The following ZNF208 variants were observed in gnomAD, a reference collection of about 807,000 sequenced individuals.
ZNF208 encodes the protein zinc finger protein 95.
A neutral mutation model predicts 12.1 loss-of-function variants in ZNF208; 10 were observed. That is an observed-to-expected ratio of 0.83 (90% CI 0.51 to 1.40). ZNF208 has a LOEUF of 1.40. Ranked by LOEUF, ZNF208 falls within the 40% of genes most tolerant of loss-of-function variation. The pLI is 0.00. For synonymous variants in ZNF208, 497 were observed against 488.4 expected, an observed-to-expected ratio of 1.02 and a Z score of -0.23; for missense variants, 1,652 against 1,485.0, an observed-to-expected ratio of 1.11 and a Z score of -1.85.
chr19:21,998,192 TCGC>T (rs1311445573), intron 1 of ZNF208: 1 of 148,014 alleles, frequency 6.8e-6, no homozygotes, highest in Non-Finnish European at 1.5e-5. Context: ...TCTCACTCTG[TCGC>T]CCAGGCTGGA....
chr19:21,973,279 T>G lies in ZNF208; in HGVS notation c.1755A>C (p.Glu585Asp). 1 of 1,611,344 alleles carries G rather than the reference T, an allele frequency of 6.2e-7. No homozygotes were observed. Among genetic ancestry groups the G allele is most frequent in the Non-Finnish European group, 8.5e-7 (1 of 1,178,586 alleles). ...HTVEKPYKCE[E>D]CGKAFNQSAI... is the part of the protein sequence containing the mutation. ...CAGATTGGTTAAAAGCTTTGCCACA[T>G]TCTTCACATTTGTAGGGTTTCTCTA... The change falls in exon 4 of 4, where the codon GAA (glutamate) becomes GAC (aspartate). Residue 585 changes from glutamate to aspartate, a missense_variant. Physicochemically the swap from Glu to Asp is conservative, Grantham distance 45. This residue lies in a region of ZNF208 where 1,239 missense variants were observed against 1,086.2 expected (regional missense o/e 1.14). Transcript: ENST00000397126.
intron 1 of ZNF208, among the ~76,000 whole-genome samples, chr19:21,990,019 C>T (rs1970703185): frequency 6.6e-6 from 1 of 151,992 alleles, no homozygotes; most frequent in Non-Finnish European, 1.5e-5. Context: ...AAAATTTTCT[C>T]CTGTTTTGTA....
At chr19:21,976,967 T>G (rs1599619152) in intron 3 of ZNF208, among the ~76,000 whole-genome samples, 1 of 152,232 alleles carries the variant, frequency 6.6e-6, no homozygotes, top group Non-Finnish European at 1.5e-5. Context: ...AGACATTTCA[T>G]GCAAATATTA....
chr19:21,964,443 T>C (rs1970129795), downstream of ZNF208, among the ~76,000 whole-genome samples: 2 of 151,650 alleles, frequency 1.3e-5, no homozygotes, highest in Non-Finnish European at 3.0e-5. Context: ...CCTTCACTTG[T>C]TAGAAAAAAA....
At position 21,942,582 on chromosome 19, in the gene ZNF208, C is replaced by T. The variant is rs148889349; in HGVS notation, c.306-9345G>A. ...TTTAGGTCTAGTTTAACCTGCTCAA[C>T]CTGTTAATCAGTGTAGGTGCCAGAT... On this transcript the variant is annotated intron_variant, in intron 4 of 4. Coordinates refer to the ZNF208 transcript ENST00000599916. Among the ~76,000 whole-genome samples, 40 of 152,264 alleles carry T rather than the reference C, an allele frequency of 2.6e-4. No individual in the cohort carries two copies. In the East Asian group the frequency reaches 6.8e-3, roughly 26 times the overall value.
chr19:21,944,979 C>T (rs551104208), intron 4 of ZNF208, among the ~76,000 whole-genome samples: 2 of 152,286 alleles, frequency 1.3e-5, no homozygotes, highest in African/African-American at 2.4e-5. Context: ...GAGAAACTCC[C>T]CTGTAAACAG....
intron 1 of ZNF208, among the ~76,000 whole-genome samples, chr19:22,007,782 T>C (rs1971072250): frequency 1.4e-5 from 2 of 147,772 alleles, no homozygotes; most frequent in Admixed American, 1.4e-4. Flanking sequence ...GGCAGATTAC[T>C]TGAGGTCAGA....
chr19:21,953,078 C>T (rs890674445), intron 4 of ZNF208, among the ~76,000 whole-genome samples: 13 of 152,134 alleles, frequency 8.5e-5, no homozygotes, highest in Admixed American at 7.9e-4. Flanking sequence ...GATTGAAGAT[C>T]AAATTAATGA....
At chr19:21,952,001 G>T (rs572917245) in intron 4 of ZNF208, among the ~76,000 whole-genome samples, 4 of 152,206 alleles carry the variant, frequency 2.6e-5, no homozygotes, top group Non-Finnish European at 4.4e-5. Context: ...ATTCTCTCCC[G>T]TACCTGGCTC....
intron 2 of ZNF208, among the ~76,000 whole-genome samples, chr19:21,987,963 C>G (rs1212721863): frequency 6.6e-6 from 1 of 152,056 alleles, no homozygotes; most frequent in Admixed American, 6.6e-5. Context: ...CTTCTCATTC[C>G]TTCGTCGCCA....
At chr19:21,984,222 TGAATGCCA>T (rs1323672480) in intron 3 of ZNF208, among the ~76,000 whole-genome samples, 1 of 152,082 alleles carries the variant, frequency 6.6e-6, no homozygotes, top group African/African-American at 2.4e-5. Flanking sequence ...TGACTAAACT[TGAATGCCA>T]GTATACAACA....
chr19:21,983,743 A>T (rs1970586144), intron 3 of ZNF208, among the ~76,000 whole-genome samples: 1 of 152,180 alleles, frequency 6.6e-6, no homozygotes. Context: ...TCAGCAAACT[A>T]ACACAAGAAC....
intron 4 of ZNF208, among the ~76,000 whole-genome samples, chr19:21,946,575 T>C (rs1277841038): frequency 3.9e-5 from 6 of 152,266 alleles, no homozygotes; most frequent in Admixed American, 1.3e-4. Flanking sequence ...GAATTCTGGG[T>C]ATTATCTCAA....
intron 1 of ZNF208, among the ~76,000 whole-genome samples, chr19:22,002,398 G>A (rs1970969405): frequency 1.3e-5 from 2 of 152,126 alleles, no homozygotes; most frequent in South Asian, 4.1e-4. Flanking sequence ...AAGAGAGGAA[G>A]TCAAACTATC....
intron 3 of ZNF208, chr19:21,987,011 G>T (rs1970638811): frequency 1.9e-6 from 1 of 524,446 alleles, no homozygotes; most frequent in Non-Finnish European, 3.3e-6. Context: ...GAAGATTACT[G>T]AAGGGAAAGA....
intron 1 of ZNF208, among the ~76,000 whole-genome samples, chr19:22,006,764 T>C (rs1325842691): frequency 6.6e-6 from 1 of 152,212 alleles, no homozygotes; most frequent in African/African-American, 2.4e-5. Flanking sequence ...GTTTTTGAAA[T>C]TGTGTTTGAA....
chr19:21,974,625 A>C lies in ZNF208; in HGVS notation c.409T>G (p.Leu137Val), dbSNP rs777738850. The change falls in exon 4 of 4, where the codon TTG becomes GTG. Residue 137 changes from leucine to valine, a missense_variant. This residue lies in a region of ZNF208 where 410 missense variants were observed against 378.2 expected (regional missense o/e 1.08). Coordinates refer to ENST00000397126, the MANE Select transcript of ZNF208 (RefSeq NM_007153.3). Reference sequence around the variant, plus strand: ...AATACTTTGCTCTGTGTAGTTGTCAAACTCTGGTTAAGTTTATTATAACCT... The same window carrying C: ...AATACTTTGCTCTGTGTAGTTGTCACACTCTGGTTAAGTTTATTATAACCT... Reference protein sequence around the residue: ...KEGYNKLNQSLTTTQSKVFQR... With the variant: ...KEGYNKLNQSVTTTQSKVFQR... The C allele has an allele frequency of 9.3e-6, 15 of 1,613,690 alleles. No individual in the cohort carries two copies. In the South Asian group the frequency reaches 1.5e-4, roughly 17 times the overall value.
In ZNF208 at chr19:21,974,218, A is replaced by G; in HGVS notation, c.816T>C (p.Leu272=). 1.9e-6 allele frequency: 3 copies of G among 1,602,334 alleles called. No individual in the cohort carries two copies. The change falls in exon 4 of 4, where the codon CTT becomes CTC. Residue 272 remains leucine (L), a synonymous_variant. Transcript: ENST00000397126. ...CAGTATGAATTATCTTATGTTTAGT[A>G]AGGATTGCAGATTGGTTAAAAGCCT... is the stretch of plus-strand genomic sequence containing the variant. The part of the protein sequence containing the change: ...CGKAFNQSAI[L]TKHKIIHTGE...
downstream of ZNF208, among the ~76,000 whole-genome samples, chr19:21,962,194 C>T (rs548219368): frequency 6.6e-6 from 1 of 152,194 alleles, no homozygotes; most frequent in South Asian, 2.1e-4. Context: ...TCCAGCCGGT[C>T]CCTCCATTTG....
Sources: gnomAD v4.1 joint callset for allele counts (sites outside exome capture counted in the v4.1 genomes callset) on GRCh38, gnomAD v4.1.1 for gene constraint, gnomAD v4.1.1 regional missense constraint, MANE v1.5 for transcripts, NCBI Gene and HGNC (gene_info 2026-07-23, HGNC 2026-07-21) for gene names.